Variants in TPI1 observed in about 807,000 individuals in gnomAD.
TPI1 encodes triosephosphate isomerase 1, also known as triosephosphate isomerase.
TPI1 carries 11 observed loss-of-function variants against 31.0 expected under a neutral mutation model. The ratio of observed to expected loss-of-function variants is 0.36; its 90% CI spans 0.22 to 0.59. TPI1 has a LOEUF of 0.59. TPI1 is among the 20% of genes least tolerant of loss of function. The pLI, the probability that TPI1 is intolerant of heterozygous loss-of-function variation, is 0.79. For missense variants in TPI1, 245 were observed against 319.7 expected, an observed-to-expected ratio of 0.77 and a Z score of 1.78; for synonymous variants, 121 against 122.8, an observed-to-expected ratio of 0.99 and a Z score of 0.10.
rs1555131409 is a variant in TPI1, at chr12:6,867,531, GCAGA to G, written c.-33_-30del. On this transcript the variant is annotated 5_prime_UTR_variant, in exon 1 of 7. Coordinates refer to ENST00000396705, the MANE Select transcript of TPI1 (RefSeq NM_000365.6). ...AAGTGGGCAGTGGCCGCGACTGCGC[GCAGA>G]CACTGACCTTCAGCGCCTCGGCTCC... The G allele has an allele frequency of 1.9e-6, 3 of 1,605,436 alleles. No individual in the cohort carries two copies. In the East Asian group the frequency reaches 6.7e-5, roughly 36 times the overall value.
At chr12:6,868,007 G>A in intron 1 of TPI1, 1 of 1,156,286 alleles carries the variant, frequency 8.6e-7, no homozygotes, top group Non-Finnish European at 1.1e-6. Flanking sequence ...GGAGCCCGAG[G>A]CTCTGCGGGA....
At chr12:6,869,033 T>C (rs1565537540) in intron 2 of TPI1, 46 bp downstream of exon 2, 4 of 1,614,178 alleles carry the variant, frequency 2.5e-6, no homozygotes, top group Non-Finnish European at 3.4e-6. Context: ...TCCCTCACTT[T>C]CCTCGTTGAG....
chr12:6,869,657 C>G, intron 4 of TPI1, 31 bp from the exon 5 acceptor site: 1 of 1,612,162 alleles, frequency 6.2e-7, no homozygotes. Flanking sequence ...TCTTGTTCAC[C>G]CTTCCCTCCA....
At position 6,868,905 on chromosome 12, in the gene TPI1, C is replaced by A. The variant is rs1320909915; in HGVS notation, c.157C>A (p.Arg53=). Residue 53 remains arginine (R), a synonymous_variant, in exon 2 of 7, where the codon CGG becomes AGG. Coordinates refer to ENST00000396705, the MANE Select transcript of TPI1 (RefSeq NM_000365.6). ...APPTAYIDFA[R]QKLDPKIAVA... ...CCCTACTGCCTATATCGACTTCGCC[C>A]GGCAGAAGCTAGATCCCAAGATTGC... 4 of 1,613,988 alleles carry A rather than the reference C, an allele frequency of 2.5e-6. No homozygotes were observed. Among genetic ancestry groups the A allele is most frequent in the East Asian group, 2.2e-5 (1 of 44,872 alleles).
rs993943696 is a variant in TPI1, at chr12:6,869,616, G to A, written c.458-72G>A. 1.8e-5 allele frequency: 29 copies of A among 1,575,096 alleles called. No individual in the cohort carries two copies. The African/African-American group carries it at 2.0e-4, about 11-fold the overall frequency. ...AGGGGGCAGTAGGCCACCGTTCTTC[G>A]TACTCCGGAGAACCTGGCTGGAGAG... is the stretch of plus-strand genomic sequence containing the variant. On this transcript the variant is annotated intron_variant, in intron 4 of 6. Transcript: ENST00000396705.
intron 1 of TPI1, chr12:6,868,077 G>T: frequency 8.1e-7 from 1 of 1,232,170 alleles, no homozygotes; most frequent in Non-Finnish European, 1.0e-6. Context: ...CTCCCGCGCC[G>T]TGCGCCGCCG....
chr12:6,870,510 A>T lies in TPI1; in HGVS notation c.*127A>T, dbSNP rs782174482. 3 of 812,238 alleles carry T rather than the reference A, an allele frequency of 3.7e-6. No homozygotes were observed. The Admixed American group carries it at 5.1e-5, about 14-fold the overall frequency. The allele number at this position is 812,238 out of a possible 1,614,324, so 50.3% of individuals were successfully genotyped here. On this transcript the variant is annotated 3_prime_UTR_variant, in exon 7 of 7. Coordinates refer to ENST00000396705, the MANE Select transcript of TPI1 (RefSeq NM_000365.6). Reference sequence around the variant, plus strand: ...TGCTCCTTCCTGTGGCCTCATCCAAACTGTATCTTCCTTTACTGTTTATAT... The same window carrying T: ...TGCTCCTTCCTGTGGCCTCATCCAATCTGTATCTTCCTTTACTGTTTATAT...
In TPI1 at chr12:6,869,354, GAGA is replaced by G. The variant is rs1555132233; in HGVS notation, c.424_426del (p.Lys142del). On this transcript the variant is annotated inframe_deletion, in exon 4 of 7. Transcript: ENST00000396705. ...AGATGAAAGGGAAGCTGGCATCACT[GAGA>G]AGGTTGTTTTCGAGCAGACAAAGGT... 4 of 1,614,152 alleles carry G rather than the reference GAGA, an allele frequency of 2.5e-6. No individual in the cohort carries two copies. The highest frequency in any genetic ancestry group is 4.5e-5 in the East Asian group (2 of 44,888).
chr12:6,867,456 A>C (rs1944480690), upstream of TPI1: 1 of 1,517,382 alleles, frequency 6.6e-7, no homozygotes, highest in Non-Finnish European at 8.8e-7. Flanking sequence ...TGGGCGGGCC[A>C]TGGCGGAGGA....
rs782130667 is a variant in TPI1, at chr12:6,868,001, C to T, written c.115+320C>T. ...CCAGGCGACGGGGTTAGGAGCGGAG[C>T]CCGAGGCTCTGCGGGAGACCGGGGG... On this transcript the variant is annotated intron_variant, in intron 1 of 6. Coordinates refer to ENST00000396705, the MANE Select transcript of TPI1 (RefSeq NM_000365.6). 5.9e-5 allele frequency: 67 copies of T among 1,136,778 alleles called. No individual in the cohort carries two copies. The African/African-American group carries it at 9.4e-4, about 16-fold the overall frequency. The allele number at this position is 1,136,778 out of a possible 1,614,324, so 70.4% of individuals were successfully genotyped here.
chr12:6,868,250 T>A, intron 1 of TPI1: 3 of 1,287,530 alleles, frequency 2.3e-6, no homozygotes, highest in South Asian at 1.2e-5. Flanking sequence ...GCTGAGCGAT[T>A]TGGGAGTGAG....
rs1555131415 is a variant in TPI1, at chr12:6,867,540, G to C, written c.-27G>C. The C allele has an allele frequency of 6.2e-7, 1 of 1,609,070 alleles. No individual in the cohort carries two copies. ...GTGGCCGCGACTGCGCGCAGACACT[G>C]ACCTTCAGCGCCTCGGCTCCAGCGC... On this transcript the variant is annotated 5_prime_UTR_variant, in exon 1 of 7. Transcript: ENST00000396705.
chr12:6,868,273 C>A, intron 1 of TPI1: 3 of 1,287,604 alleles, frequency 2.3e-6, no homozygotes, highest in Non-Finnish European at 3.0e-6. Flanking sequence ...GCCATCCTAC[C>A]GCTTTCCCCA....
intron 1 of TPI1, 38 bp downstream of exon 1, chr12:6,867,719 G>T: frequency 6.4e-7 from 1 of 1,555,256 alleles, no homozygotes; most frequent in Non-Finnish European, 8.7e-7. Context: ...CCGGGCCGGG[G>T]CCGGGGCCGG....
In TPI1 at chr12:6,870,442, C is replaced by T. The variant is rs1944562391; in HGVS notation, c.*59C>T. 5 of 1,291,370 alleles carry T rather than the reference C, an allele frequency of 3.9e-6. No individual in the cohort carries two copies. Among genetic ancestry groups the T allele is most frequent in the Non-Finnish European group, 4.5e-6 (4 of 886,904 alleles). 80.0% of individuals were successfully genotyped at this position (1,291,370 alleles called of 1,614,324 possible). A position where few individuals can be genotyped will look rare whatever the true frequency, so the allele number is the denominator to read the frequency against. ...CCAGGGACTAAGCAGCCCAGAAGCC[C>T]AGTAACTGCCCTTTCCCTGCATATG... On this transcript the variant is annotated 3_prime_UTR_variant, in exon 7 of 7. Coordinates refer to ENST00000396705, the MANE Select transcript of TPI1 (RefSeq NM_000365.6).
intron 1 of TPI1, chr12:6,868,153 T>C (rs1310888328): frequency 1.8e-5 from 20 of 1,130,140 alleles, no homozygotes; most frequent in Non-Finnish European, 2.0e-5. Context: ...CTGCTCGGGC[T>C]CCCTGAGCCC....
chr12:6,868,229 G>A, intron 1 of TPI1: 1 of 1,287,768 alleles, frequency 7.8e-7, no homozygotes, highest in Non-Finnish European at 1.0e-6. Context: ...GACCGAGCCC[G>A]TGCCAAACAG....
rs1944572443 is a variant in TPI1, at chr12:6,870,817, C to T, written c.*434C>T. ...TGAACCACCCATGTGAGGGAATAAA[C>T]CTGGCACTAGGTCTTGTGGTTTGTC... On this transcript the variant is annotated 3_prime_UTR_variant, in exon 7 of 7. Transcript: ENST00000396705. 6 of 524,820 alleles carry T rather than the reference C, an allele frequency of 1.1e-5. No homozygotes were observed. Among genetic ancestry groups the T allele is most frequent in the Non-Finnish European group, 2.2e-5 (6 of 273,672 alleles). 32.5% of individuals were successfully genotyped at this position (524,820 alleles called of 1,614,324 possible). A position where few individuals can be genotyped will look rare whatever the true frequency, so the allele number is the denominator to read the frequency against.
upstream of TPI1, chr12:6,867,423 C>T (rs1228184721): frequency 1.1e-5 from 12 of 1,092,054 alleles, no homozygotes; most frequent in African/African-American, 1.3e-4. Context: ...GGAGGGCGGG[C>T]GGGGGGCAGG....
Sources: allele counts gnomAD v4.1 joint callset, GRCh38; gene constraint gnomAD v4.1.1; transcripts MANE v1.5; gene names NCBI Gene and HGNC (gene_info 2026-07-23, HGNC 2026-07-21).